Variants in PDE4D observed in about 807,000 individuals in gnomAD.
The protein encoded by PDE4D is 3',5'-cyclic-AMP phosphodiesterase 4D.
A neutral mutation model predicts 87.4 loss-of-function variants in PDE4D; 24 were observed. That is an observed-to-expected ratio of 0.27 (90% CI 0.20 to 0.39). The LOEUF is 0.39. Ranked by LOEUF, PDE4D falls within the 10% of genes least tolerant of loss-of-function variation. The pLI, the probability that PDE4D is intolerant of heterozygous loss-of-function variation, is 1.00. For missense variants in PDE4D, 714 were observed against 1,041.0 expected, an observed-to-expected ratio of 0.69 and a Z score of 4.32; for synonymous variants, 384 against 383.2, an observed-to-expected ratio of 1.00 and a Z score of -0.02.
At chr5:60,114,625 T>C (rs1399094276) in intron 2 of PDE4D, among the ~76,000 whole-genome samples, 31 of 152,070 alleles carry the variant, frequency 2.0e-4, no homozygotes, top group Non-Finnish European at 1.5e-5. Flanking sequence ...AATGATTCAT[T>C]CCACAAGTTT....
chr5:59,619,582 A>G (rs1315711582), intron 1 of PDE4D, among the ~76,000 whole-genome samples: 2 of 152,210 alleles, frequency 1.3e-5, no homozygotes, highest in Non-Finnish European at 2.9e-5. Context: ...TACCTCTGGA[A>G]TATGGGGTAA....
chr5:59,165,565 C>A lies in PDE4D; in HGVS notation c.808+15030G>T, dbSNP rs149050625. Among the ~76,000 whole-genome samples the A allele has an allele frequency of 2.6e-4, 39 of 152,354 alleles. No individual in the cohort carries two copies. The East Asian group carries it at 6.9e-3, about 27-fold the overall frequency. The stretch of plus-strand genomic sequence containing the variant: ...TGCTGGAATTACAGGCGTGAGCAAC[C>A]ATGCCCAGCCTTTCATAAATATCTC... On this transcript the variant is annotated intron_variant, in intron 5 of 14. Transcript: ENST00000340635.
At chr5:60,081,032 C>A (rs555571826) in intron 2 of PDE4D, among the ~76,000 whole-genome samples, 4 of 151,900 alleles carry the variant, frequency 2.6e-5, no homozygotes, top group African/African-American at 9.7e-5. Context: ...GTTGGTAGGC[C>A]ATTAATTACT....
chr5:60,214,248 C>T (rs373796202), intron 1 of PDE4D, among the ~76,000 whole-genome samples: 5 of 152,154 alleles, frequency 3.3e-5, no homozygotes, highest in Admixed American at 2.0e-4. Flanking sequence ...GCCAAGGAAA[C>T]GTCAACGGTG....
chr5:59,149,732 G>C (rs906594112), intron 5 of PDE4D, among the ~76,000 whole-genome samples: 1 of 31,028 alleles, frequency 3.2e-5, no homozygotes, highest in African/African-American at 1.2e-4. Flanking sequence ...TTTTTTTTTC[G>C]GTCAACAGAT....
chr5:60,211,758 C>T (rs1193246240), intron 1 of PDE4D, among the ~76,000 whole-genome samples: 3 of 152,012 alleles, frequency 2.0e-5, no homozygotes, highest in African/African-American at 7.2e-5. Context: ...TTCCCTACCC[C>T]TACCCTCATT....
At chr5:60,252,376 A>G (rs1165089636) in intron 1 of PDE4D, among the ~76,000 whole-genome samples, 1 of 150,460 alleles carries the variant, frequency 6.6e-6, no homozygotes, top group African/African-American at 2.5e-5. Context: ...TTAATATTCA[A>G]AATTTCACAG....
At chr5:59,627,796 G>T (rs1246030089) in intron 1 of PDE4D, among the ~76,000 whole-genome samples, 3 of 152,154 alleles carry the variant, frequency 2.0e-5, no homozygotes, top group Non-Finnish European at 1.5e-5. Flanking sequence ...AATCACCCCA[G>T]CACTGCTTAT....
intron 5 of PDE4D, among the ~76,000 whole-genome samples, chr5:59,139,148 G>A (rs1296751022): frequency 6.6e-6 from 1 of 152,196 alleles, no homozygotes; most frequent in Non-Finnish European, 1.5e-5. Flanking sequence ...GCACATGGGA[G>A]AAAGGAACCT....
At chr5:60,361,511 A>G (rs1760066372) in intron 1 of PDE4D, among the ~76,000 whole-genome samples, 1 of 152,234 alleles carries the variant, frequency 6.6e-6, no homozygotes, top group African/African-American at 2.4e-5. Flanking sequence ...AAAATCAAGC[A>G]GACAAATACT....
intron 1 of PDE4D, among the ~76,000 whole-genome samples, chr5:59,542,898 A>T (rs2153684652): frequency 6.6e-6 from 1 of 152,298 alleles, no homozygotes; most frequent in African/African-American, 2.4e-5. Context: ...TCTTCTAGAA[A>T]TACTAATCAA....
At chr5:59,750,260 T>C (rs927597419) in intron 1 of PDE4D, among the ~76,000 whole-genome samples, 2 of 152,074 alleles carry the variant, frequency 1.3e-5, no homozygotes, top group African/African-American at 2.4e-5. Flanking sequence ...ATAGACTGTG[T>C]CCCTTCCTAA....
chr5:59,433,994 A>G (rs1222136228), intron 1 of PDE4D, among the ~76,000 whole-genome samples: 1 of 151,576 alleles, frequency 6.6e-6, no homozygotes, highest in Non-Finnish European at 1.5e-5. Flanking sequence ...GCAATTTTAA[A>G]TGCTGGAGGA....
At chr5:59,701,638 TCAGA>T (rs1428221684) in intron 1 of PDE4D, among the ~76,000 whole-genome samples, 4 of 152,170 alleles carry the variant, frequency 2.6e-5, no homozygotes, top group African/African-American at 4.8e-5. Flanking sequence ...AAAGTCACAC[TCAGA>T]CAGTGAGAAT....
At chr5:60,026,691 C>G (rs970846191) in intron 2 of PDE4D, among the ~76,000 whole-genome samples, 18 of 152,244 alleles carry the variant, frequency 1.2e-4, no homozygotes, top group Admixed American at 3.9e-4. Context: ...TCACTTCTAG[C>G]CCCATGCAAC....
At chr5:59,670,605 C>G (rs956837541) in intron 1 of PDE4D, among the ~76,000 whole-genome samples, 1 of 151,890 alleles carries the variant, frequency 6.6e-6, no homozygotes, top group African/African-American at 2.4e-5. Flanking sequence ...TGCATGTATT[C>G]CAAAATCCAA....
chr5:59,957,939 G>T (rs982493933), intron 3 of PDE4D, among the ~76,000 whole-genome samples: 1 of 152,102 alleles, frequency 6.6e-6, no homozygotes, highest in Non-Finnish European at 1.5e-5. Context: ...AGCCTGGAGA[G>T]TTTCCTGATT....
In PDE4D at chr5:59,139,457, T is replaced by A. The variant is rs574483356; in HGVS notation, c.808+41138A>T. Among the ~76,000 whole-genome samples, 12 of 152,200 alleles carry A rather than the reference T, an allele frequency of 7.9e-5. No homozygotes were observed. In the South Asian group the frequency reaches 2.5e-3, roughly 32 times the overall value. On this transcript the variant is annotated intron_variant, in intron 5 of 14. Transcript: ENST00000340635. Reference sequence around the variant, plus strand: ...ACTTTACCCTGAAGGCATTGCAGACTCTGATGGACATCAACAGGAGAGAGG... The same window carrying A: ...ACTTTACCCTGAAGGCATTGCAGACACTGATGGACATCAACAGGAGAGAGG...
chr5:59,194,070 C>T (rs1744918361), intron 2 of PDE4D, among the ~76,000 whole-genome samples: 1 of 152,166 alleles, frequency 6.6e-6, no homozygotes, highest in South Asian at 2.1e-4. Flanking sequence ...CTGACTCATC[C>T]CAGCCACTGT....
Sources: allele counts gnomAD v4.1 joint callset (sites outside exome capture counted in the v4.1 genomes callset), GRCh38; gene constraint gnomAD v4.1.1; transcripts MANE v1.5; gene names NCBI Gene and HGNC (gene_info 2026-07-23, HGNC 2026-07-21).